Variants in DNAJC13 observed in about 807,000 individuals in gnomAD.
The protein encoded by DNAJC13 is dnaJ homolog subfamily C member 13.
A neutral mutation model predicts 290.5 loss-of-function variants in DNAJC13; 75 were observed. The ratio of observed to expected loss-of-function variants is 0.26; its 90% CI spans 0.21 to 0.31. The LOEUF (loss-of-function observed/expected upper bound fraction) is 0.31, where lower values mean the gene tolerates loss of function less well. DNAJC13 is among the 10% of genes least tolerant of loss of function. The pLI, the probability that DNAJC13 is intolerant of heterozygous loss-of-function variation, is 1.00. For missense variants in DNAJC13, 2,260 were observed against 2,674.5 expected (o/e 0.85, Z 3.42); for synonymous variants, 862 against 892.0 (o/e 0.97, Z 0.60).
intron 55 of DNAJC13, among the ~76,000 whole-genome samples, chr3:132,535,174 G>A (rs1033349441): frequency 1.3e-5 from 2 of 152,172 alleles, no homozygotes; most frequent in Non-Finnish European, 2.9e-5. Context: ...AAAGACAAAG[G>A]AGTTAATTAC....
intron 40 of DNAJC13, 145 bp from the exon 41 acceptor site, chr3:132,503,069 C>A: frequency 1.3e-6 from 1 of 761,510 alleles, no homozygotes; most frequent in Non-Finnish European, 2.0e-6. Flanking sequence ...TGATGTTTAC[C>A]TCAGTGGTAG....
chr3:132,451,380 A>G (rs576951680), intron 6 of DNAJC13, among the ~76,000 whole-genome samples: 1 of 152,312 alleles, frequency 6.6e-6, no homozygotes, highest in South Asian at 2.1e-4. Context: ...GCTGTTTATA[A>G]TCTGAAATCT....
chr3:132,510,158 G>A (rs1021540965), intron 43 of DNAJC13, among the ~76,000 whole-genome samples: 8 of 152,134 alleles, frequency 5.3e-5, no homozygotes, highest in African/African-American at 1.9e-4. Flanking sequence ...CTTCATGGAC[G>A]TACAAGGCCA....
Position 132,478,428 on chromosome 3 carries a change from A to T in DNAJC13, c.2709+288A>T, listed in dbSNP as rs80344032. ...TGGATGAGTTGGACAGGTGTATAAAAGAAATGGTGACTTGTAGAGTTGTAT... is the reference window on the plus strand; with the variant it reads ...TGGATGAGTTGGACAGGTGTATAAATGAAATGGTGACTTGTAGAGTTGTAT... On this transcript the variant is annotated intron_variant, in intron 24 of 55. Coordinates refer to ENST00000260818, the MANE Select transcript of DNAJC13 (RefSeq NM_015268.4). Among the ~76,000 whole-genome samples the T allele has an allele frequency of 2.4e-4, 37 of 152,348 alleles. 2 individuals carry two copies. In the East Asian group the frequency reaches 6.9e-3, roughly 29 times the overall value.
intron 2 of DNAJC13, among the ~76,000 whole-genome samples, chr3:132,439,778 A>C (rs1224108728): frequency 6.6e-6 from 1 of 152,188 alleles, no homozygotes; most frequent in African/African-American, 2.4e-5. Flanking sequence ...AGATATTTGC[A>C]GAGTATGTCC....
At chr3:132,427,531 A>G (rs1939131584) in intron 1 of DNAJC13, among the ~76,000 whole-genome samples, 1 of 152,218 alleles carries the variant, frequency 6.6e-6, no homozygotes, top group South Asian at 2.1e-4. Context: ...ATCCTCATGT[A>G]CATCATTCAG....
chr3:132,483,608 A>G, intron 28 of DNAJC13, 31 bp downstream of exon 28: 2 of 1,588,958 alleles, frequency 1.3e-6, no homozygotes, highest in Non-Finnish European at 1.7e-6. Context: ...TCCATGGTTA[A>G]TTGATATGCT....
intron 42 of DNAJC13, among the ~76,000 whole-genome samples, chr3:132,506,796 C>T (rs1289809281): frequency 2.0e-5 from 3 of 151,816 alleles, no homozygotes; most frequent in African/African-American, 7.3e-5. Context: ...ATGATCCACC[C>T]GCCTCGGCCT....
intron 1 of DNAJC13, among the ~76,000 whole-genome samples, chr3:132,430,934 A>G (rs994162916): frequency 6.6e-6 from 1 of 152,202 alleles, no homozygotes; most frequent in African/African-American, 2.4e-5. Context: ...AGCTGTCCCT[A>G]TACTCACTAG....
chr3:132,434,079 A>G lies in DNAJC13; in HGVS notation c.-13-459A>G, dbSNP rs543573034. Among the ~76,000 whole-genome samples, 16 of 152,268 alleles carry G rather than the reference A, an allele frequency of 1.1e-4. No individual in the cohort carries two copies. The South Asian group carries it at 1.7e-3, about 16-fold the overall frequency. ...CAAAAAATTAGCTGGGCGTGGTGGC[A>G]GGCGTCTGTAGTCCCAGCTACTCTG... On this transcript the variant is annotated intron_variant, in intron 1 of 55. Coordinates refer to ENST00000260818, the MANE Select transcript of DNAJC13 (RefSeq NM_015268.4).
chr3:132,472,680 T>G, intron 20 of DNAJC13: 1 of 804,522 alleles, frequency 1.2e-6, no homozygotes, highest in Non-Finnish European at 1.5e-6. Context: ...TTCACATGTG[T>G]TTGAATGTAG....
chr3:132,526,088 A>T, intron 52 of DNAJC13, 53 bp from the exon 53 acceptor site: 1 of 1,596,940 alleles, frequency 6.3e-7, no homozygotes. Context: ...GGTATTTACT[A>T]TGTTATATAA....
Position 132,511,213 on chromosome 3 carries a change from G to A in DNAJC13, c.5262G>A (p.Glu1754=). ...DRLPRVEMAL[E]ALRNVIKYNP... ...TACCGAGAGTAGAAATGGCTTTGGAGGCTCTGAGAAATGTCATAAAATACA... is the reference window on the plus strand; with the variant it reads ...TACCGAGAGTAGAAATGGCTTTGGAAGCTCTGAGAAATGTCATAAAATACA... The change falls in exon 44 of 56, where the codon GAG becomes GAA. Residue 1754 remains glutamate (E), a synonymous_variant. Coordinates refer to ENST00000260818, the MANE Select transcript of DNAJC13 (RefSeq NM_015268.4). 6.2e-7 allele frequency: 1 copy of A among 1,613,782 alleles called. No homozygotes were observed. The highest frequency in any genetic ancestry group is 1.1e-5 in the South Asian group (1 of 91,064).
At chr3:132,501,028 T>A in intron 39 of DNAJC13, 115 bp downstream of exon 39, 1 of 1,313,150 alleles carries the variant, frequency 7.6e-7, no homozygotes, top group Non-Finnish European at 1.0e-6. Flanking sequence ...TAAGTAAAAT[T>A]ATTTGGATTT....
intron 5 of DNAJC13, 47 bp downstream of exon 5, chr3:132,447,986 C>T: frequency 7.8e-7 from 1 of 1,283,984 alleles, no homozygotes; most frequent in Non-Finnish European, 1.1e-6. Flanking sequence ...TCAAATGTTG[C>T]CCTTTATTGT....
At chr3:132,533,201 A>T (rs1006955558) in intron 55 of DNAJC13, among the ~76,000 whole-genome samples, 7 of 151,392 alleles carry the variant, frequency 4.6e-5, no homozygotes, top group Non-Finnish European at 1.0e-4. Flanking sequence ...GATGATAGGC[A>T]TGTACCACCA....
At chr3:132,431,819 C>T (rs1939246243) in intron 1 of DNAJC13, among the ~76,000 whole-genome samples, 1 of 152,124 alleles carries the variant, frequency 6.6e-6, no homozygotes, top group African/African-American at 2.4e-5. Flanking sequence ...CCAGCATAAG[C>T]AAACCCACAG....
chr3:132,480,120 A>G (rs1408197793), intron 25 of DNAJC13, among the ~76,000 whole-genome samples: 2 of 152,210 alleles, frequency 1.3e-5, no homozygotes, highest in African/African-American at 4.8e-5. Flanking sequence ...ATATTTAAGT[A>G]AAAATTCTTA....
intron 17 of DNAJC13, among the ~76,000 whole-genome samples, chr3:132,465,640 T>TATATTAGTAGG (rs528850026): frequency 2.0e-5 from 3 of 152,178 alleles, no homozygotes; most frequent in Non-Finnish European, 2.9e-5. Context: ...CCATTGTCAC[T>TATATTAGTAGG]ATATTAGTAG....
Sources: gnomAD v4.1 joint callset for allele counts (sites outside exome capture counted in the v4.1 genomes callset) on GRCh38, gnomAD v4.1.1 for gene constraint, MANE v1.5 for transcripts, NCBI Gene and HGNC (gene_info 2026-07-23, HGNC 2026-07-21) for gene names.